PCDHA2: variants seen among roughly 807,000 people sequenced by gnomAD.
The protein encoded by PCDHA2 is protocadherin alpha 2.
PCDHA2 carries 58 observed loss-of-function variants against 66.0 expected under a neutral mutation model. The observed-to-expected ratio is 0.88, with a 90% confidence interval of 0.71 to 1.09. The LOEUF (loss-of-function observed/expected upper bound fraction) is 1.09. Among genes scored for constraint, PCDHA2 ranks in the 50% least tolerant of loss-of-function variants. The probability of loss-of-function intolerance (pLI) is 0.00; values close to 1 mark genes in which losing one functional copy is unlikely to be tolerated. For synonymous variants in PCDHA2, 634 were observed against 554.0 expected (o/e 1.14, Z -2.03); for missense variants, 1,267 against 1,242.3 (o/e 1.02, Z -0.30).
chr5:140,806,975 G>A lies in PCDHA2; in HGVS notation c.2388+9623G>A, dbSNP rs1763825186. ...GGGGGTTTCCACAATTGCTACTTAC[G>A]GTTTGGAGCCACATGATGTCGCTCT... On this transcript the variant is annotated intron_variant, in intron 1 of 3. Coordinates refer to ENST00000526136, the MANE Select transcript of PCDHA2 (RefSeq NM_018905.3). 2.3e-5 allele frequency: 14 copies of A among 620,014 alleles called. No homozygotes were observed. In the East Asian group the frequency reaches 3.1e-4, roughly 14 times the overall value. The allele number at this position is 620,014 out of a possible 1,614,324, so 38.4% of individuals were successfully genotyped here. A position where few individuals can be genotyped will look rare whatever the true frequency, so the allele number is the denominator to read the frequency against.
intron 1 of PCDHA2, among the ~76,000 whole-genome samples, chr5:140,909,844 C>T (rs572833280): frequency 7.9e-5 from 12 of 152,276 alleles, no homozygotes; most frequent in African/African-American, 2.4e-4. Context: ...ACCACCAGGA[C>T]GTTTTCGGTC....
rs368557415 is a variant in PCDHA2, at chr5:140,808,464, C to T, written c.2388+11112C>T. 1,073 of 1,614,164 alleles carry T rather than the reference C, an allele frequency of 6.6e-4. 17 individuals are homozygous for T. In the South Asian group the frequency reaches 0.011, roughly 17 times the overall value. ...GTGTCAGCCTATGAGCTGGTGGTGA[C>T]CGCGCGAGACGGGGGCTCGCCTTCG... On this transcript the variant is annotated intron_variant, in intron 1 of 3. Transcript: ENST00000526136.
intron 1 of PCDHA2, chr5:140,824,305 A>T: frequency 1.2e-6 from 1 of 813,464 alleles, no homozygotes. Context: ...TGCTGGGGTA[A>T]TAGATTCATC....
Position 140,807,559 on chromosome 5 carries a change from G to C in PCDHA2, c.2388+10207G>C, listed in dbSNP as rs150847383. 50 of 1,614,048 alleles carry C rather than the reference G, an allele frequency of 3.1e-5. No homozygotes were observed. In the African/African-American group the frequency reaches 6.0e-4, roughly 19 times the overall value. On this transcript the variant is annotated intron_variant, in intron 1 of 3. Coordinates refer to ENST00000526136, the MANE Select transcript of PCDHA2 (RefSeq NM_018905.3). ...TTTTCCATGTGGACGTGGAGGTGAG[G>C]GACATTAACGATAACCCGCCGGTGT... is the stretch of plus-strand genomic sequence containing the variant.
At chr5:140,870,952 T>G in intron 1 of PCDHA2, 4 of 1,613,610 alleles carry the variant, frequency 2.5e-6, no homozygotes, top group Non-Finnish European at 3.4e-6. Flanking sequence ...GGCGGGCGGC[T>G]CGCGCATCCC....
At chr5:140,836,090 G>C in intron 1 of PCDHA2, 4 of 1,613,720 alleles carry the variant, frequency 2.5e-6, no homozygotes, top group Non-Finnish European at 3.4e-6. Context: ...TGGCGCCTCG[G>C]GTGGGTGGCA....
chr5:140,923,110 A>G (rs2081174881), intron 1 of PCDHA2, among the ~76,000 whole-genome samples: 1 of 152,184 alleles, frequency 6.6e-6, no homozygotes, highest in South Asian at 2.1e-4. Flanking sequence ...TATGATTTTA[A>G]GTTTTTAGGG....
At chr5:140,807,899 A>T (rs1391356364) in intron 1 of PCDHA2, 1 of 1,614,010 alleles carries the variant, frequency 6.2e-7, no homozygotes, top group Non-Finnish European at 8.5e-7. Context: ...TGCCAATGAC[A>T]ATGCCCCAGC....
At chr5:140,850,803 A>G in intron 1 of PCDHA2, 4 of 1,598,380 alleles carry the variant, frequency 2.5e-6, no homozygotes, top group Non-Finnish European at 3.4e-6. Context: ...GACCGACCTC[A>G]TGGCCTTCAG....
intron 1 of PCDHA2, among the ~76,000 whole-genome samples, chr5:140,923,708 T>C (rs1554201570): frequency 1.3e-5 from 2 of 152,216 alleles, no homozygotes; most frequent in Non-Finnish European, 2.9e-5. Context: ...CCAATTTACT[T>C]GAATAAGAAT....
chr5:140,877,467 G>T (rs1554169776), intron 1 of PCDHA2: 2 of 1,613,868 alleles, frequency 1.2e-6, no homozygotes, highest in Non-Finnish European at 1.7e-6. Flanking sequence ...CGGCCACGGT[G>T]CTGGTGTCGC....
At chr5:140,898,497 T>G (rs1473036595) in intron 1 of PCDHA2, among the ~76,000 whole-genome samples, 2 of 152,216 alleles carry the variant, frequency 1.3e-5, no homozygotes, top group African/African-American at 4.8e-5. Flanking sequence ...ATCAGATAGT[T>G]GTAGATATGC....
intron 1 of PCDHA2, among the ~76,000 whole-genome samples, chr5:140,840,979 C>A (rs1290701863): frequency 1.3e-5 from 2 of 151,986 alleles, no homozygotes; most frequent in Non-Finnish European, 2.9e-5. Context: ...AAGAAGAAAT[C>A]CCTAGCTGAA....
intron 1 of PCDHA2, among the ~76,000 whole-genome samples, chr5:140,905,080 C>G (rs2071583789): frequency 6.6e-6 from 1 of 152,128 alleles, no homozygotes; most frequent in Non-Finnish European, 1.5e-5. Flanking sequence ...GTTGCACTTT[C>G]TTTTGGGTTC....
At chr5:140,839,740 A>G (rs1357885958) in intron 1 of PCDHA2, among the ~76,000 whole-genome samples, 2 of 152,020 alleles carry the variant, frequency 1.3e-5, no homozygotes, top group South Asian at 4.1e-4. Flanking sequence ...AAATACCCTT[A>G]TTTGCCTTTC....
intron 1 of PCDHA2, among the ~76,000 whole-genome samples, chr5:140,891,795 A>T (rs2063252569): frequency 6.6e-6 from 1 of 152,178 alleles, no homozygotes; most frequent in South Asian, 2.1e-4. Flanking sequence ...ATTATGAGGG[A>T]TCTGCCCTCA....
chr5:140,878,350 T>C (rs932815141), intron 1 of PCDHA2, among the ~76,000 whole-genome samples: 1 of 152,250 alleles, frequency 6.6e-6, no homozygotes, highest in Non-Finnish European at 1.5e-5. Context: ...CACAATAATA[T>C]AAATGATATG....
Position 141,010,037 on chromosome 5 carries a change from C to A in PCDHA2, c.*100C>A. The A allele has an allele frequency of 1.3e-6, 2 of 1,582,242 alleles. No individual in the cohort carries two copies. The highest frequency in any genetic ancestry group is 1.2e-5 in the South Asian group (1 of 84,630). On this transcript the variant is annotated 3_prime_UTR_variant, in exon 4 of 4. Transcript: ENST00000526136. ...GCTCCTTTTTCCTATCTACATGAGC[C>A]CTCTTAGAGACCTCAGAAATCTGCA...
intron 1 of PCDHA2, among the ~76,000 whole-genome samples, chr5:140,889,730 A>C (rs1554184026): frequency 6.6e-6 from 1 of 152,198 alleles, no homozygotes; most frequent in East Asian, 1.9e-4. Flanking sequence ...TGTCTCACTG[A>C]GTAGCAGAGT....
Sources: gnomAD v4.1 joint callset for allele counts (sites outside exome capture counted in the v4.1 genomes callset) on GRCh38, gnomAD v4.1.1 for gene constraint, MANE v1.5 for transcripts, NCBI Gene and HGNC (gene_info 2026-07-23, HGNC 2026-07-21) for gene names.